The following UBE2N variants were observed in gnomAD, a reference collection of about 807,000 sequenced individuals.
UBE2N encodes the protein ubiquitin conjugating enzyme E2 N, also known as ubiquitin-conjugating enzyme E2 N.
For synonymous variants in UBE2N, 70 were observed against 69.2 expected, an observed-to-expected ratio of 1.01 and a Z score of -0.06; for missense variants, 60 against 192.1, an observed-to-expected ratio of 0.31 and a Z score of 4.07.
chr12:93,427,844 A>G (rs945703888), intron 1 of UBE2N, among the ~76,000 whole-genome samples: 3 of 152,244 alleles, frequency 2.0e-5, no homozygotes, highest in Non-Finnish European at 4.4e-5. Flanking sequence ...TTGGAATAGT[A>G]AAAGTAAGTG....
chr12:93,415,171 G>T (rs953510047), intron 1 of UBE2N, among the ~76,000 whole-genome samples: 1 of 151,898 alleles, frequency 6.6e-6, no homozygotes, highest in African/African-American at 2.4e-5. Flanking sequence ...TTTTAGGTAT[G>T]AAAAACAATA....
At chr12:93,433,225 G>A (rs1436847082) in intron 1 of UBE2N, among the ~76,000 whole-genome samples, 1 of 152,030 alleles carries the variant, frequency 6.6e-6, no homozygotes, top group African/African-American at 2.4e-5. Flanking sequence ...GAGCCACCGC[G>A]CCTGGCCAGG....
At chr12:93,425,163 A>C (rs1249497218) in intron 1 of UBE2N, among the ~76,000 whole-genome samples, 1 of 152,218 alleles carries the variant, frequency 6.6e-6, no homozygotes, top group Non-Finnish European at 1.5e-5. Context: ...GCAGATAAAG[A>C]AGCAGAGAGG....
intron 1 of UBE2N, among the ~76,000 whole-genome samples, chr12:93,423,497 T>C (rs1878481422): frequency 6.6e-6 from 1 of 152,182 alleles, no homozygotes; most frequent in African/African-American, 2.4e-5. Context: ...GAACTTCTAC[T>C]TAAAACCTTT....
Position 93,441,840 on chromosome 12 carries a change from G to C in UBE2N, c.30+15C>G, listed in dbSNP as rs1240006935. On this transcript the variant is annotated intron_variant, in intron 1 of 3. Transcript: ENST00000318066. The stretch of plus-strand genomic sequence containing the variant: ...AGAGCAGAGCGAAGAGCTGGAGGCC[G>C]GCCTGGGCGGTTACCTTGATGATCC... 6.3e-7 allele frequency: 1 copy of C among 1,578,924 alleles called. No homozygotes were observed. Among genetic ancestry groups the C allele is most frequent in the Admixed American group, 1.8e-5 (1 of 55,590 alleles).
chr12:93,434,163 G>C (rs551916124), intron 1 of UBE2N, among the ~76,000 whole-genome samples: 2 of 152,192 alleles, frequency 1.3e-5, no homozygotes, highest in African/African-American at 4.8e-5. Flanking sequence ...GTGGTGGCGC[G>C]TGCCTGTAAT....
chr12:93,435,676 T>C (rs1878913790), intron 1 of UBE2N, among the ~76,000 whole-genome samples: 1 of 151,994 alleles, frequency 6.6e-6, no homozygotes, highest in African/African-American at 2.4e-5. Context: ...CAAAAAAAAA[T>C]ACCTTATGCA....
At chr12:93,437,070 C>A (rs752458164) in intron 1 of UBE2N, among the ~76,000 whole-genome samples, 1 of 151,576 alleles carries the variant, frequency 6.6e-6, no homozygotes, top group Non-Finnish European at 1.5e-5. Flanking sequence ...CGAGAACAGC[C>A]TAGGCAACAT....
chr12:93,421,173 ATG>A (rs1447172565), intron 1 of UBE2N, among the ~76,000 whole-genome samples: 1 of 128,724 alleles, frequency 7.8e-6, no homozygotes, highest in African/African-American at 3.1e-5. Context: ...TGGTTTCAGG[ATG>A]TGTTTCTTAA....
chr12:93,417,744 A>AC (rs978318949), intron 1 of UBE2N, among the ~76,000 whole-genome samples: 1 of 152,154 alleles, frequency 6.6e-6, no homozygotes, highest in African/African-American at 2.4e-5. Flanking sequence ...AATGATACCT[A>AC]CTCTGTAAAC....
chr12:93,433,186 G>A (rs1878822595), intron 1 of UBE2N, among the ~76,000 whole-genome samples: 1 of 152,104 alleles, frequency 6.6e-6, no homozygotes, highest in Non-Finnish European at 1.5e-5. Flanking sequence ...TCCTGCCTCG[G>A]CCTCCCAAAG....
At chr12:93,441,771 CGAA>C (rs891692943) in intron 1 of UBE2N, 81 bp downstream of exon 1, 1 of 1,540,808 alleles carries the variant, frequency 6.5e-7, no homozygotes, top group Non-Finnish European at 8.7e-7. Context: ...GGCCGCGGGC[CGAA>C]GGAGGCGAGA....
At chr12:93,433,613 C>A (rs1878834379) in intron 1 of UBE2N, among the ~76,000 whole-genome samples, 1 of 152,158 alleles carries the variant, frequency 6.6e-6, no homozygotes, top group South Asian at 2.1e-4. Context: ...ATTACATAAA[C>A]TATGCCTCTC....
rs1030986531 is a variant in UBE2N, at chr12:93,418,699, CGTAA to C, written c.31-7404_31-7401del. The stretch of plus-strand genomic sequence containing the variant: ...TCCAACAGAAATATAATACAAGCCA[CGTAA>C]GTATTTAAAAATTTTCTAGTAGCCA... On this transcript the variant is annotated intron_variant, in intron 1 of 3. Coordinates refer to ENST00000318066, the MANE Select transcript of UBE2N (RefSeq NM_003348.4). Among the ~76,000 whole-genome samples the C allele has an allele frequency of 4.6e-5, 7 of 151,196 alleles. 1 individual carries two copies. The highest frequency in any genetic ancestry group is 9.7e-5 in the African/African-American group (4 of 41,062).
At chr12:93,415,409 A>G (rs1878174955) in intron 1 of UBE2N, among the ~76,000 whole-genome samples, 1 of 152,230 alleles carries the variant, frequency 6.6e-6, no homozygotes, top group Non-Finnish European at 1.5e-5. Context: ...TGGTATTTTA[A>G]GACTAGTTTT....
chr12:93,433,484 T>A (rs569099990), intron 1 of UBE2N, among the ~76,000 whole-genome samples: 2 of 152,362 alleles, frequency 1.3e-5, no homozygotes, highest in Admixed American at 6.5e-5. Flanking sequence ...CTAATTGGTA[T>A]ATCCACATTC....
chr12:93,439,119 C>T (rs966624422), intron 1 of UBE2N, among the ~76,000 whole-genome samples: 2 of 152,168 alleles, frequency 1.3e-5, no homozygotes, highest in Non-Finnish European at 2.9e-5. Flanking sequence ...AATCAAGCCA[C>T]CTTATTTTAA....
At chr12:93,438,012 C>G (rs78045179) in intron 1 of UBE2N, among the ~76,000 whole-genome samples, 1 of 152,144 alleles carries the variant, frequency 6.6e-6, no homozygotes, top group African/African-American at 2.4e-5. Flanking sequence ...GGGTGGAAAA[C>G]GAGACTAGCT....
At chr12:93,424,429 G>A (rs546523049) in intron 1 of UBE2N, 3 of 152,236 alleles carry the variant, frequency 2.0e-5, no homozygotes, top group South Asian at 2.1e-4. Flanking sequence ...GTTACATTTC[G>A]CTCAGATTTG....
Sources: gnomAD v4.1 joint callset for allele counts (sites outside exome capture counted in the v4.1 genomes callset) on GRCh38, gnomAD v4.1.1 for gene constraint, MANE v1.5 for transcripts, NCBI Gene and HGNC (gene_info 2026-07-23, HGNC 2026-07-21) for gene names.